Variants in ADAMTS14 observed in about 807,000 individuals in gnomAD.
The protein encoded by ADAMTS14 is A disintegrin and metalloproteinase with thrombospondin motifs 14.
Under a neutral mutation model 128.6 loss-of-function variants are expected in ADAMTS14, and 100 were observed. That is an observed-to-expected ratio of 0.78 (90% CI 0.66 to 0.92). The LOEUF (loss-of-function observed/expected upper bound fraction) is 0.92. ADAMTS14 is among the 40% of genes least tolerant of loss of function. The probability of loss-of-function intolerance (pLI) is 0.00; values close to 1 mark genes in which losing one functional copy is unlikely to be tolerated. For synonymous variants in ADAMTS14, 665 were observed against 653.8 expected, an observed-to-expected ratio of 1.02 and a Z score of -0.26; for missense variants, 1,562 against 1,658.6, an observed-to-expected ratio of 0.94 and a Z score of 1.01.
At chr10:70,703,874 G>A in intron 3 of ADAMTS14, among the ~76,000 whole-genome samples, 1 of 152,234 alleles carries the variant, frequency 6.6e-6, no homozygotes, top group Middle Eastern at 3.2e-3. Flanking sequence ...GCCAGGCCCT[G>A]GTCCATCTAC....
At chr10:70,700,264 C>G (rs1386757270) in intron 2 of ADAMTS14, among the ~76,000 whole-genome samples, 1 of 152,076 alleles carries the variant, frequency 6.6e-6, no homozygotes, top group Non-Finnish European at 1.5e-5. Flanking sequence ...TGTCCTGGTC[C>G]CCTCCCCACA....
At chr10:70,758,404 C>A in intron 21 of ADAMTS14, 119 bp downstream of exon 21, 2 of 843,000 alleles carry the variant, frequency 2.4e-6, no homozygotes, top group Non-Finnish European at 3.6e-6. Context: ...ACCTTCACCT[C>A]CCTGAGCCTC....
intron 4 of ADAMTS14, among the ~76,000 whole-genome samples, chr10:70,721,040 T>C (rs1429117670): frequency 4.7e-5 from 7 of 147,530 alleles, no homozygotes; most frequent in Non-Finnish European, 9.0e-5. Context: ...TTTTTTTTTT[T>C]TTGAGATGGA....
intron 2 of ADAMTS14, among the ~76,000 whole-genome samples, chr10:70,680,679 G>C (rs891307360): frequency 1.4e-4 from 21 of 152,184 alleles, no homozygotes; most frequent in African/African-American, 3.9e-4. Context: ...AAAGTGTAGG[G>C]CATGGTTTAT....
chr10:70,758,239 G>C lies in ADAMTS14; in HGVS notation c.3132G>C (p.Trp1044Cys). Reference sequence around the variant, plus strand: ...AACTTGGGACGCCAGAGGGGCAGTGGGTGCCACAATCTGAACCCCTACATC... The same window carrying C: ...AACTTGGGACGCCAGAGGGGCAGTGCGTGCCACAATCTGAACCCCTACATC... ...VWELGTPEGQ[W>C]VPQSEPLHPI... Residue 1044 changes from tryptophan to cysteine, a missense_variant, in exon 21 of 22, where the codon TGG becomes TGC. Coordinates refer to ENST00000373207, the MANE Select transcript of ADAMTS14 (RefSeq NM_080722.4). The C allele has an allele frequency of 1.2e-6, 2 of 1,614,210 alleles. No individual in the cohort carries two copies. Among genetic ancestry groups the C allele is most frequent in the Non-Finnish European group, 1.7e-6 (2 of 1,180,026 alleles).
At chr10:70,694,074 G>C (rs1840264910) in intron 2 of ADAMTS14, among the ~76,000 whole-genome samples, 1 of 152,222 alleles carries the variant, frequency 6.6e-6, no homozygotes, top group Non-Finnish European at 1.5e-5. Flanking sequence ...CCGAAGACTT[G>C]GCAGCCCCAG....
intron 2 of ADAMTS14, among the ~76,000 whole-genome samples, chr10:70,695,751 A>G (rs759029204): frequency 1.1e-4 from 16 of 152,214 alleles, no homozygotes; most frequent in Non-Finnish European, 8.8e-5. Context: ...TCCAGTCTCT[A>G]TCAAGGAGGC....
At chr10:70,687,918 C>A (rs1169939804) in intron 2 of ADAMTS14, among the ~76,000 whole-genome samples, 1 of 83,612 alleles carries the variant, frequency 1.2e-5, no homozygotes, top group African/African-American at 4.4e-5. Context: ...GGGGGGCTGA[C>A]CCCCCACCTC....
Position 70,761,023 on chromosome 10 carries a change from GA to G in ADAMTS14, c.*171del. ...CTCTTTACCCCACAAAGCGGGGTGG[GA>G]GGAAGACAAAGATCAGGGAAAGCCC... On this transcript the variant is annotated 3_prime_UTR_variant, in exon 22 of 22. Transcript: ENST00000373207. 9.7e-7 allele frequency: 1 copy of G among 1,032,164 alleles called. No individual in the cohort carries two copies. The highest frequency in any genetic ancestry group is 1.3e-6 in the Non-Finnish European group (1 of 749,756). 63.9% of individuals were successfully genotyped at this position (1,032,164 alleles called of 1,614,324 possible). A position where few individuals can be genotyped will look rare whatever the true frequency, so the allele number is the denominator to read the frequency against.
At chr10:70,683,281 G>C (rs1839868185) in intron 2 of ADAMTS14, among the ~76,000 whole-genome samples, 1 of 152,260 alleles carries the variant, frequency 6.6e-6, no homozygotes, top group Non-Finnish European at 1.5e-5. Flanking sequence ...GAGAGTGGGA[G>C]CTGGTTTCTC....
At chr10:70,730,699 T>C (rs951961710) in intron 6 of ADAMTS14, among the ~76,000 whole-genome samples, 3 of 152,150 alleles carry the variant, frequency 2.0e-5, no homozygotes, top group Admixed American at 1.3e-4. Context: ...GATCTCTTCA[T>C]CTCCCTGGGT....
intron 2 of ADAMTS14, among the ~76,000 whole-genome samples, chr10:70,678,295 C>T (rs1471643487): frequency 6.6e-6 from 1 of 152,198 alleles, no homozygotes; most frequent in Non-Finnish European, 1.5e-5. Flanking sequence ...GAGTCAGGTC[C>T]CTGTCCTCGA....
chr10:70,686,274 CT>C lies in ADAMTS14; in HGVS notation c.522+11296del, dbSNP rs5785998. Among the ~76,000 whole-genome samples, 449 of 125,314 alleles carry C rather than the reference CT, an allele frequency of 3.6e-3. 2 individuals carry two copies. Among genetic ancestry groups the C allele is most frequent in the Admixed American group, 6.6e-3 (82 of 12,498 alleles). 82.2% of individuals were successfully genotyped at this position (125,314 alleles called of 152,430 possible). A position where few individuals can be genotyped will look rare whatever the true frequency, so the allele number is the denominator to read the frequency against. On this transcript the variant is annotated intron_variant, in intron 2 of 21. Transcript: ENST00000373207. Reference sequence around the variant, plus strand: ...GGCTGAAGGCCTTTGTCAGCCTTTGCTTTTTTTTTTTTTTTTTAATTTATTT... The same window carrying C: ...GGCTGAAGGCCTTTGTCAGCCTTTGCTTTTTTTTTTTTTTTTAATTTATTT...
At chr10:70,754,570 C>A (rs1433221455) in intron 19 of ADAMTS14, among the ~76,000 whole-genome samples, 2 of 152,044 alleles carry the variant, frequency 1.3e-5, no homozygotes, top group African/African-American at 4.8e-5. Flanking sequence ...AGGAAGAGAC[C>A]AAGTCAGGAA....
chr10:70,694,727 G>A (rs747054172), intron 2 of ADAMTS14, among the ~76,000 whole-genome samples: 11 of 151,954 alleles, frequency 7.2e-5, no homozygotes, highest in Non-Finnish European at 1.3e-4. Context: ...TCCTTTCTAC[G>A]GCAAAATAAT....
At chr10:70,729,004 C>T (rs1841533782) in intron 4 of ADAMTS14, among the ~76,000 whole-genome samples, 1 of 152,170 alleles carries the variant, frequency 6.6e-6, no homozygotes, top group South Asian at 2.1e-4. Flanking sequence ...GTCAGAGTTG[C>T]TGAGTTTGAG....
chr10:70,749,772 C>A (rs1254000855), intron 15 of ADAMTS14, 50 bp from the exon 16 acceptor site: 1 of 1,595,532 alleles, frequency 6.3e-7, no homozygotes, highest in Admixed American at 1.7e-5. Flanking sequence ...TGGCCCGCCC[C>A]CTGTGGAGAG....
intron 4 of ADAMTS14, among the ~76,000 whole-genome samples, chr10:70,717,460 C>T (rs1256534912): frequency 6.6e-6 from 1 of 152,136 alleles, no homozygotes; most frequent in African/African-American, 2.4e-5. Context: ...CCTGCAGAGA[C>T]CTCCCTGGCA....
chr10:70,694,244 C>T (rs1189482869), intron 2 of ADAMTS14, among the ~76,000 whole-genome samples: 1 of 152,234 alleles, frequency 6.6e-6, no homozygotes. Flanking sequence ...TGAGTGTTTG[C>T]TGGAGCGTTT....
Sources: allele counts gnomAD v4.1 joint callset (sites outside exome capture counted in the v4.1 genomes callset), GRCh38; gene constraint gnomAD v4.1.1; transcripts MANE v1.5; gene names NCBI Gene and HGNC (gene_info 2026-07-23, HGNC 2026-07-21).